ANO10: variants seen among roughly 807,000 people sequenced by gnomAD.
ANO10 encodes anoctamin-10.
A neutral mutation model predicts 74.7 loss-of-function variants in ANO10; 77 were observed. That is an observed-to-expected ratio of 1.03 (90% CI 0.86 to 1.25). The LOEUF is 1.25. Ranked by LOEUF, ANO10 falls within the 50% of genes most tolerant of loss-of-function variation. The pLI is 0.00. For missense variants in ANO10, 721 were observed against 778.1 expected, an observed-to-expected ratio of 0.93 and a Z score of 0.87; for synonymous variants, 279 against 284.9, an observed-to-expected ratio of 0.98 and a Z score of 0.21.
chr3:43,569,035 C>A (rs1160849445), intron 7 of ANO10, among the ~76,000 whole-genome samples: 131 of 117,874 alleles, frequency 1.1e-3, no homozygotes, highest in South Asian at 3.9e-3. Flanking sequence ...ATACAAACTA[C>A]CATCAGAGAA....
chr3:43,470,993 G>C (rs1489252658), intron 11 of ANO10, among the ~76,000 whole-genome samples: 1 of 152,062 alleles, frequency 6.6e-6, no homozygotes, highest in Non-Finnish European at 1.5e-5. Context: ...AAAAAATTAA[G>C]TTTATAAATT....
chr3:43,665,304 C>T (rs1050631446), intron 1 of ANO10, among the ~76,000 whole-genome samples: 1 of 151,952 alleles, frequency 6.6e-6, no homozygotes, highest in Non-Finnish European at 1.5e-5. Context: ...TGTTCTTACT[C>T]GTAAGGGGGA....
Position 43,691,045 on chromosome 3 carries a change from C to A in ANO10, c.-12+472G>T, listed in dbSNP as rs758577205. The A allele has an allele frequency of 3.5e-5, 54 of 1,552,988 alleles. No homozygotes were observed. Among genetic ancestry groups the A allele is most frequent in the Middle Eastern group, 1.7e-4 (1 of 5,864 alleles). ...TCTGCCGACACCGGAGAGAGGTAAG[C>A]GCAGCCGGCAGGGGGCTTCGTGTGT... On this transcript the variant is annotated intron_variant, in intron 1 of 3. Coordinates refer to the ANO10 transcript ENST00000413397.
intron 1 of ANO10, among the ~76,000 whole-genome samples, chr3:43,631,890 C>G (rs2083551858): frequency 6.6e-6 from 1 of 151,962 alleles, no homozygotes; most frequent in Non-Finnish European, 1.5e-5. Context: ...CAAGACCAGA[C>G]TGGCCAACAT....
intron 1 of ANO10, among the ~76,000 whole-genome samples, chr3:43,609,769 T>C (rs988609630): frequency 2.0e-5 from 3 of 152,226 alleles, no homozygotes; most frequent in Admixed American, 2.0e-4. Flanking sequence ...CACAATAATA[T>C]GTATTTGTAT....
At chr3:43,642,128 C>G (rs183954791) in intron 1 of ANO10, among the ~76,000 whole-genome samples, 1 of 152,278 alleles carries the variant, frequency 6.6e-6, no homozygotes, top group Non-Finnish European at 1.5e-5. Flanking sequence ...CTTCAAAGCC[C>G]TTTCAGTGAA....
chr3:43,562,732 T>C (rs1242208698), intron 8 of ANO10, among the ~76,000 whole-genome samples: 1 of 150,348 alleles, frequency 6.7e-6, no homozygotes, highest in South Asian at 2.1e-4. Flanking sequence ...CTTCAATAAA[T>C]GGTGCTGGGA....
intron 1 of ANO10, among the ~76,000 whole-genome samples, chr3:43,686,393 C>T (rs2084275837): frequency 6.6e-6 from 1 of 152,068 alleles, no homozygotes; most frequent in African/African-American, 2.4e-5. Flanking sequence ...CTCAAAGGAT[C>T]CTCCCACCTC....
At chr3:43,566,561 C>A (rs2080359448) in intron 7 of ANO10, among the ~76,000 whole-genome samples, 2 of 152,212 alleles carry the variant, frequency 1.3e-5, no homozygotes, top group African/African-American at 4.8e-5. Flanking sequence ...GGGAGGCACC[C>A]CCCAGCAGGG....
intron 11 of ANO10, among the ~76,000 whole-genome samples, chr3:43,493,293 G>A (rs1219173137): frequency 3.3e-5 from 5 of 152,174 alleles, no homozygotes; most frequent in African/African-American, 1.2e-4. Flanking sequence ...GGGGCTAGGG[G>A]AGGGAAACCA....
chr3:43,516,580 C>T (rs972475792), intron 11 of ANO10, among the ~76,000 whole-genome samples: 9 of 152,220 alleles, frequency 5.9e-5, no homozygotes, highest in East Asian at 1.9e-4. Context: ...TAGTCAGAAC[C>T]GTGCTTCACA....
intron 11 of ANO10, among the ~76,000 whole-genome samples, chr3:43,497,177 G>A (rs2076947407): frequency 6.6e-6 from 1 of 152,192 alleles, no homozygotes; most frequent in South Asian, 2.1e-4. Context: ...GAGGGTAAAT[G>A]TGTGAGTAAT....
Position 43,673,275 on chromosome 3 carries a change from T to C in ANO10, c.-12+18242A>G, listed in dbSNP as rs181496952. Among the ~76,000 whole-genome samples the C allele has an allele frequency of 1.6e-4, 25 of 152,314 alleles. No homozygotes were observed. In the East Asian group the frequency reaches 4.2e-3, roughly 26 times the overall value. ...AAATGTAATAGAGCCAAGATGCCAA[T>C]TGGTGTTTGTTTTCTGCCACAAGTG... is the stretch of plus-strand genomic sequence containing the variant. On this transcript the variant is annotated intron_variant, in intron 1 of 3. Coordinates refer to the ANO10 transcript ENST00000413397.
chr3:43,494,704 A>G (rs955566039), intron 11 of ANO10, among the ~76,000 whole-genome samples: 2 of 152,152 alleles, frequency 1.3e-5, no homozygotes, highest in South Asian at 4.1e-4. Context: ...GCAATGAATT[A>G]CCAACGAAAA....
intron 1 of ANO10, chr3:43,690,960 G>A (rs760227234): frequency 1.3e-6 from 2 of 1,556,192 alleles, no homozygotes; most frequent in South Asian, 2.3e-5. Flanking sequence ...AGCCGGCTTC[G>A]AGATAAGTCC....
At chr3:43,443,689 T>C (rs2093197524) in intron 11 of ANO10, among the ~76,000 whole-genome samples, 1 of 148,844 alleles carries the variant, frequency 6.7e-6, no homozygotes, top group African/African-American at 2.5e-5. Context: ...CTTTTTTTTT[T>C]TTTTTTTTTT....
intron 11 of ANO10, chr3:43,472,687 G>A (rs896437960): frequency 6.6e-6 from 1 of 152,096 alleles, no homozygotes; most frequent in African/African-American, 2.4e-5. Context: ...AGGAAAAATT[G>A]CTATAAAAAA....
At chr3:43,451,969 C>T (rs1026410045) in intron 11 of ANO10, among the ~76,000 whole-genome samples, 1 of 152,142 alleles carries the variant, frequency 6.6e-6, no homozygotes, top group Non-Finnish European at 1.5e-5. Context: ...TACCGATAAA[C>T]TCCCAAGATT....
At chr3:43,382,486 T>C (rs1188047974) in intron 12 of ANO10, among the ~76,000 whole-genome samples, 1 of 145,174 alleles carries the variant, frequency 6.9e-6, no homozygotes, top group Non-Finnish European at 1.5e-5. Flanking sequence ...GCCACTGCAC[T>C]CCAGCCTGGG....
Sources: allele counts gnomAD v4.1 joint callset (sites outside exome capture counted in the v4.1 genomes callset), GRCh38; gene constraint gnomAD v4.1.1; transcripts MANE v1.5; gene names NCBI Gene and HGNC (gene_info 2026-07-23, HGNC 2026-07-21).